KRT86: variants seen among roughly 807,000 people sequenced by gnomAD.
The protein encoded by KRT86 is keratin 86, also known as keratin, type II cuticular Hb6.
KRT86 carries 30 observed loss-of-function variants against 41.2 expected under a neutral mutation model. The ratio of observed to expected loss-of-function variants is 0.73; its 90% CI spans 0.54 to 0.99. The LOEUF (loss-of-function observed/expected upper bound fraction) is 0.99. Ranked by LOEUF, KRT86 falls within the 50% of genes least tolerant of loss-of-function variation. The pLI is 0.00. For missense variants in KRT86, 561 were observed against 571.4 expected (o/e 0.98, Z 0.19); for synonymous variants, 238 against 238.1 (o/e 1.00, Z 0.00).
chr12:52,294,962 G>A (rs1938215849), intron 2 of KRT86, among the ~76,000 whole-genome samples: 2 of 152,092 alleles, frequency 1.3e-5, no homozygotes, highest in Non-Finnish European at 1.5e-5. Flanking sequence ...TTTTCACTGT[G>A]GATTGCACTC....
At chr12:52,287,402 A>G in intron 2 of KRT86, 1 of 1,585,776 alleles carries the variant, frequency 6.3e-7, no homozygotes, top group South Asian at 1.1e-5. Flanking sequence ...CACACTCCCC[A>G]CCAAGCTGGG....
Position 52,287,632 on chromosome 12 carries a change from T to C in KRT86, c.-5+11686T>C, listed in dbSNP as rs7300801. ...CATTCTCCACCTCGGCCGTCAGCCT[T>C]TGGATCATGCGGTTCAGCTCATTGA... is the stretch of plus-strand genomic sequence containing the variant. On this transcript the variant is annotated intron_variant, in intron 2 of 10. Coordinates refer to ENST00000423955, the MANE Select transcript of KRT86 (RefSeq NM_001320198.2). 0.51 allele frequency: 817,507 copies of C among 1,613,202 alleles called. 211,729 individuals are homozygous for C. The highest frequency in any genetic ancestry group is 0.57 in the African/African-American group (42,424 of 74,874).
intron 2 of KRT86, chr12:52,287,494 G>A (rs1565740525): frequency 6.2e-7 from 1 of 1,607,180 alleles, no homozygotes; most frequent in Middle Eastern, 1.9e-4. Flanking sequence ...ATGGACAAAG[G>A]GGGTGGAGAA....
chr12:52,288,098 C>G (rs748206510), intron 2 of KRT86: 1 of 1,614,164 alleles, frequency 6.2e-7, no homozygotes. Flanking sequence ...TGTTGTCCAG[C>G]TTGACAACCA....
intron 2 of KRT86, among the ~76,000 whole-genome samples, chr12:52,278,756 G>A (rs994676929): frequency 3.3e-5 from 5 of 151,864 alleles, no homozygotes; most frequent in Non-Finnish European, 7.4e-5. Context: ...CTCCTTCCCC[G>A]TCCACACCTT....
At chr12:52,280,608 C>A (rs1235652937) in intron 2 of KRT86, among the ~76,000 whole-genome samples, 2 of 152,154 alleles carry the variant, frequency 1.3e-5, no homozygotes, top group East Asian at 3.9e-4. Context: ...AAGTCTCATG[C>A]AAGAGGAATG....
At chr12:52,305,880 T>C (rs999063281) in intron 8 of KRT86, 92 bp downstream of exon 8, 68 of 1,609,224 alleles carry the variant, frequency 4.2e-5, no homozygotes, top group Non-Finnish European at 5.4e-5. Flanking sequence ...TCAGCATTCA[T>C]TCTCCAGCCC....
intron 2 of KRT86, among the ~76,000 whole-genome samples, chr12:52,281,420 A>G (rs1937769177): frequency 6.6e-6 from 1 of 152,098 alleles, no homozygotes; most frequent in African/African-American, 2.4e-5. Flanking sequence ...CACAGAGTAG[A>G]TGTGATGGGG....
intron 2 of KRT86, among the ~76,000 whole-genome samples, chr12:52,278,207 G>A (rs1489995636): frequency 6.6e-6 from 1 of 152,148 alleles, no homozygotes; most frequent in Non-Finnish European, 1.5e-5. Context: ...CATGCCACAG[G>A]CATATTGCAT....
chr12:52,284,699 A>G (rs1387030521), intron 2 of KRT86, among the ~76,000 whole-genome samples: 2 of 152,192 alleles, frequency 1.3e-5, no homozygotes, highest in South Asian at 4.1e-4. Flanking sequence ...AATAATTTCT[A>G]GTGCCCAGAA....
chr12:52,300,645 G>C (rs1938351013), intron 2 of KRT86, among the ~76,000 whole-genome samples: 1 of 152,250 alleles, frequency 6.6e-6, no homozygotes, highest in African/African-American at 2.4e-5. Flanking sequence ...TACAAATATA[G>C]ATCTGTTCTC....
In KRT86 at chr12:52,306,245, C is replaced by T. The variant is rs777341221; in HGVS notation, c.1212C>T (p.Ala404=). The change falls in exon 9 of 11, where the codon GCC becomes GCT. Residue 404 remains alanine, a synonymous_variant. Transcript: ENST00000423955. ...AGCTGGGCCTGGACATCGAGATCGCCACCTACAGGCGCCTGCTGGAGGGCG... is the reference window on the plus strand; with the variant it reads ...AGCTGGGCCTGGACATCGAGATCGCTACCTACAGGCGCCTGCTGGAGGGCG... The part of the protein sequence containing the change: ...NSKLGLDIEI[A]TYRRLLEGEE... 5.0e-6 allele frequency: 8 copies of T among 1,613,636 alleles called. No homozygotes were observed. The highest frequency in any genetic ancestry group is 8.5e-7 in the Non-Finnish European group (1 of 1,180,034).
Position 52,299,852 on chromosome 12 carries a change from C to T in KRT86, c.-4-2061C>T, listed in dbSNP as rs557484343. On this transcript the variant is annotated intron_variant, in intron 2 of 10. Transcript: ENST00000423955. The stretch of plus-strand genomic sequence containing the variant: ...TATATTGCAGCTACGAATTCCTTGT[C>T]AGTTGAATAGTTTGCAAATATTTCT... Among the ~76,000 whole-genome samples the T allele has an allele frequency of 3.3e-5, 5 of 152,296 alleles. No individual in the cohort carries two copies. In the South Asian group the frequency reaches 1.0e-3, roughly 32 times the overall value.
chr12:52,301,742 A>G (rs1459838231), intron 2 of KRT86, 171 bp from the exon 3 acceptor site: 2 of 1,318,504 alleles, frequency 1.5e-6, no homozygotes, highest in Non-Finnish European at 2.1e-6. Context: ...GACAGCAGCT[A>G]AACAACCCAA....
At chr12:52,298,664 A>T (rs1938304084) in intron 2 of KRT86, among the ~76,000 whole-genome samples, 1 of 152,258 alleles carries the variant, frequency 6.6e-6, no homozygotes, top group African/African-American at 2.4e-5. Context: ...GAAATGAGGT[A>T]CATAGAGGCT....
chr12:52,297,724 C>G (rs1313476715), intron 2 of KRT86, among the ~76,000 whole-genome samples: 1 of 152,200 alleles, frequency 6.6e-6, no homozygotes, highest in African/African-American at 2.4e-5. Context: ...AAGTGTCTTT[C>G]TTTTACTTAA....
chr12:52,287,385 A>G, intron 2 of KRT86: 1 of 1,599,202 alleles, frequency 6.3e-7, no homozygotes, highest in South Asian at 1.1e-5. Context: ...GCTCATCCAA[A>G]TGAGACCACA....
At chr12:52,305,498 G>A in intron 7 of KRT86, 94 bp downstream of exon 7, 2 of 1,605,592 alleles carry the variant, frequency 1.2e-6, no homozygotes, top group Non-Finnish European at 1.7e-6. Context: ...GGATGCACTA[G>A]GGATGAGAAG....
At chr12:52,279,300 G>C (rs895310696) in intron 2 of KRT86, 5 of 152,428 alleles carry the variant, frequency 3.3e-5, no homozygotes, top group African/African-American at 1.2e-4. Context: ...TCTTGTGTCA[G>C]ATGCCCCCTC....
Sources: allele counts gnomAD v4.1 joint callset (sites outside exome capture counted in the v4.1 genomes callset), GRCh38; gene constraint gnomAD v4.1.1; transcripts MANE v1.5; gene names NCBI Gene and HGNC (gene_info 2026-07-23, HGNC 2026-07-21).